Variants in CTCF observed in about 807,000 individuals in gnomAD.
CTCF encodes CCCTC-binding factor.
In CTCF, 7 loss-of-function variants were observed where a neutral mutation model predicts 72.3. The observed-to-expected ratio is 0.10, with a 90% CI of 0.06 to 0.18. The LOEUF (loss-of-function observed/expected upper bound fraction) is 0.18, where lower values mean the gene tolerates loss of function less well. CTCF is among the 10% of genes least tolerant of loss of function. The pLI is 1.00. For missense variants in CTCF, 516 were observed against 949.1 expected (o/e 0.54, Z 6.00); for synonymous variants, 374 against 315.8 (o/e 1.18, Z -1.95).
chr16:67,622,816 T>A (rs1448792920), intron 7 of CTCF, among the ~76,000 whole-genome samples: 1 of 148,846 alleles, frequency 6.7e-6, no homozygotes, highest in Non-Finnish European at 1.5e-5. Flanking sequence ...GCTAAATTTT[T>A]TTTTTTTTTT....
intron 1 of CTCF, among the ~76,000 whole-genome samples, chr16:67,569,776 C>T (rs1018043107): frequency 5.6e-4 from 85 of 151,508 alleles, no homozygotes; most frequent in Non-Finnish European, 1.3e-4. Context: ...ACCTCCGGCT[C>T]CTGGGTTCAG....
Position 67,610,815 on chromosome 16 carries a change from T to C in CTCF, c.-9-9T>C. On this transcript the variant is annotated splice_polypyrimidine_tract_variant and intron_variant, in intron 2 of 11. Coordinates refer to ENST00000264010, the MANE Select transcript of CTCF (RefSeq NM_006565.4). ...TTTAAATAACAATCTGTGTTCTCCC[T>C]TAATAAAGGCAGGGGAAATGGAAGG... 1 of 1,455,838 alleles carries C rather than the reference T, an allele frequency of 6.9e-7. No homozygotes were observed. The highest frequency in any genetic ancestry group is 1.4e-5 in the African/African-American group (1 of 71,214). The allele number at this position is 1,455,838 out of a possible 1,614,324, so 90.2% of individuals were successfully genotyped here.
At position 67,638,594 on chromosome 16, in the gene CTCF, C is replaced by T; in HGVS notation, c.*722C>T. On this transcript the variant is annotated 3_prime_UTR_variant, in exon 12 of 12. Transcript: ENST00000264010. ...TCACAATCATGTAGCAGAATGGCACCCAGACCACTGCCCACCAGTGACGGA... is the reference window on the plus strand; with the variant it reads ...TCACAATCATGTAGCAGAATGGCACTCAGACCACTGCCCACCAGTGACGGA... The T allele has an allele frequency of 4.3e-6, 1 of 231,720 alleles. No homozygotes were observed. Among genetic ancestry groups the T allele is most frequent in the East Asian group, 6.1e-5 (1 of 16,354 alleles). The allele number at this position is 231,720 out of a possible 1,614,324, so 14.4% of individuals were successfully genotyped here. A position where few individuals can be genotyped will look rare whatever the true frequency, so the allele number is the denominator to read the frequency against.
chr16:67,622,130 G>A (rs1158267154), intron 7 of CTCF, among the ~76,000 whole-genome samples: 1 of 152,120 alleles, frequency 6.6e-6, no homozygotes, highest in African/African-American at 2.4e-5. Context: ...GCCAACGCGG[G>A]TGGATCACGA....
chr16:67,594,584 A>C (rs569737698), intron 2 of CTCF, among the ~76,000 whole-genome samples: 1 of 152,148 alleles, frequency 6.6e-6, no homozygotes, highest in South Asian at 2.1e-4. Context: ...TGCGTAAAAA[A>C]ACTTCGCATC....
At chr16:67,617,746 T>C (rs959019673) in intron 5 of CTCF, among the ~76,000 whole-genome samples, 1 of 152,290 alleles carries the variant, frequency 6.6e-6, no homozygotes, top group African/African-American at 2.4e-5. Context: ...AAGAAAAAAC[T>C]GTACCCAGAG....
intron 5 of CTCF, among the ~76,000 whole-genome samples, chr16:67,620,239 T>C (rs1348946214): frequency 6.6e-6 from 1 of 152,146 alleles, no homozygotes; most frequent in African/African-American, 2.4e-5. Flanking sequence ...GTTTCGCCCT[T>C]GTCCAGGTTG....
intron 10 of CTCF, among the ~76,000 whole-genome samples, chr16:67,631,134 G>A (rs1378449198): frequency 1.3e-5 from 2 of 148,370 alleles, no homozygotes; most frequent in Non-Finnish European, 1.5e-5. Context: ...ACTTTATTGG[G>A]CTTTTTTTGT....
intron 7 of CTCF, chr16:67,623,553 T>G (rs2052233187): frequency 6.6e-6 from 1 of 151,760 alleles, no homozygotes; most frequent in Non-Finnish European, 1.5e-5. Context: ...GAGGATCACT[T>G]GAGCTTAAGA....
At chr16:67,597,962 T>G (rs1462417868) in intron 2 of CTCF, among the ~76,000 whole-genome samples, 1 of 152,040 alleles carries the variant, frequency 6.6e-6, no homozygotes, top group Non-Finnish European at 1.5e-5. Context: ...AAGGGTTGTT[T>G]TCTTTTTGGT....
At chr16:67,563,757 G>A in intron 1 of CTCF, 1 of 152,222 alleles carries the variant, frequency 6.6e-6, no homozygotes, top group East Asian at 1.9e-4. Flanking sequence ...TTGGGAGTAT[G>A]GGCTAAGTCC....
At chr16:67,622,302 G>T (rs1016742210) in intron 7 of CTCF, among the ~76,000 whole-genome samples, 9 of 151,580 alleles carry the variant, frequency 5.9e-5, no homozygotes, top group Non-Finnish European at 1.2e-4. Context: ...CTTGCAGTGA[G>T]CAGAGATCAC....
At chr16:67,580,772 A>ATTTTTTTTTTTTT (rs781616750) in intron 2 of CTCF, among the ~76,000 whole-genome samples, 5 of 120,220 alleles carry the variant, frequency 4.2e-5, no homozygotes, top group African/African-American at 1.7e-4. Context: ...GCCTGGCCAA[A>ATTTTTTTTTTTTT]TTTTTTTTTT....
intron 2 of CTCF, among the ~76,000 whole-genome samples, chr16:67,572,794 G>T (rs2051440554): frequency 6.7e-6 from 1 of 149,652 alleles, no homozygotes; most frequent in Non-Finnish European, 1.5e-5. Context: ...ATAAAAACTA[G>T]CCGAGTGTGG....
At chr16:67,575,452 C>CT (rs900942425) in intron 2 of CTCF, among the ~76,000 whole-genome samples, 10 of 151,034 alleles carry the variant, frequency 6.6e-5, no homozygotes, top group Non-Finnish European at 1.0e-4. Flanking sequence ...TCCCTTTCCT[C>CT]TTTTTTTTTG....
intron 10 of CTCF, among the ~76,000 whole-genome samples, chr16:67,636,403 C>T (rs946618166): frequency 2.7e-5 from 4 of 147,556 alleles, no homozygotes; most frequent in Non-Finnish European, 6.0e-5. Context: ...AAAAAATTAC[C>T]TGGGCATGGT....
At chr16:67,615,453 A>G (rs2052120239) in intron 4 of CTCF, 1 of 151,950 alleles carries the variant, frequency 6.6e-6, no homozygotes, top group African/African-American at 2.4e-5. Context: ...CCATCTCTAC[A>G]AAATAGAAAA....
intron 6 of CTCF, 188 bp from the exon 7 acceptor site, chr16:67,621,254 C>T: frequency 1.9e-6 from 1 of 522,208 alleles, no homozygotes. Flanking sequence ...GCAGAGGTGG[C>T]CAGCAGCAGT....
At position 67,637,456 on chromosome 16, in the gene CTCF, C is replaced by CG. The variant is rs536215162; in HGVS notation, c.2000-226dup. On this transcript the variant is annotated intron_variant, in intron 11 of 11. Transcript: ENST00000264010. ...CTGAGGCAGGAGAATTGCTTTAACC[C>CG]GGGGGGCAGAGGTTGCAGTGAGCTG... Among the ~76,000 whole-genome samples, 8 of 152,150 alleles carry CG rather than the reference C, an allele frequency of 5.3e-5. No homozygotes were observed. The South Asian group carries it at 1.2e-3, about 24-fold the overall frequency.
Sources: allele counts gnomAD v4.1 joint callset (sites outside exome capture counted in the v4.1 genomes callset), GRCh38; gene constraint gnomAD v4.1.1; transcripts MANE v1.5; gene names NCBI Gene and HGNC (gene_info 2026-07-23, HGNC 2026-07-21).